SLC6A2: variants seen among roughly 807,000 people sequenced by gnomAD.
SLC6A2 encodes sodium-dependent noradrenaline transporter.
Under a neutral mutation model 71.7 loss-of-function variants are expected in SLC6A2, and 26 were observed. The observed-to-expected ratio is 0.36, with a 90% CI of 0.27 to 0.50. SLC6A2 has a LOEUF of 0.50. Among genes scored for constraint, SLC6A2 ranks in the 20% least tolerant of loss-of-function variants. The pLI, the probability that SLC6A2 is intolerant of heterozygous loss-of-function variation, is 0.96. For synonymous variants in SLC6A2, 363 were observed against 337.9 expected (o/e 1.07, Z -0.82); for missense variants, 581 against 803.9 (o/e 0.72, Z 3.35).
In SLC6A2 at chr16:55,703,395, G is replaced by C; in HGVS notation, c.*1049G>C. ...CCACCTGGAGTGGACCAGGGGTCTT[G>C]AGAAATGGAGAGTTGGCTGCAAAAA... On this transcript the variant is annotated 3_prime_UTR_variant, in exon 15 of 15. Transcript: ENST00000568943. 1.0e-6 allele frequency: 1 copy of C among 985,422 alleles called. No individual in the cohort carries two copies. The allele number at this position is 985,422 out of a possible 1,614,324, so 61.0% of individuals were successfully genotyped here.
chr16:55,661,595 C>T (rs1964611740), intron 2 of SLC6A2, among the ~76,000 whole-genome samples: 1 of 152,176 alleles, frequency 6.6e-6, no homozygotes, highest in Admixed American at 6.5e-5. Flanking sequence ...TAGCAGAATT[C>T]ATCCTAAGAT....
At chr16:55,665,541 C>T (rs1596954046) in intron 2 of SLC6A2, among the ~76,000 whole-genome samples, 2 of 152,134 alleles carry the variant, frequency 1.3e-5, no homozygotes, top group South Asian at 4.2e-4. Context: ...ATTCACAGTT[C>T]GAGGAATCCT....
chr16:55,702,739 A>ACCC lies in SLC6A2; in HGVS notation c.*395_*397dup, dbSNP rs35571499. 9 of 861,198 alleles carry ACCC rather than the reference A, an allele frequency of 1.0e-5. No individual in the cohort carries two copies. In the African/African-American group the frequency reaches 3.9e-4, roughly 37 times the overall value. 53.3% of individuals were successfully genotyped at this position (861,198 alleles called of 1,614,324 possible). A position where few individuals can be genotyped will look rare whatever the true frequency, so the allele number is the denominator to read the frequency against. ...AGAGAGGATGGGCTTTTGATCAGATACCCCTCCCAAAAAAAAAAAAAACTA... is the reference window on the plus strand; with the variant it reads ...AGAGAGGATGGGCTTTTGATCAGATACCCCCCCTCCCAAAAAAAAAAAAAACTA... On this transcript the variant is annotated 3_prime_UTR_variant, in exon 15 of 15. Coordinates refer to ENST00000568943, the MANE Select transcript of SLC6A2 (RefSeq NM_001172501.3).
intron 4 of SLC6A2, among the ~76,000 whole-genome samples, chr16:55,683,400 T>C (rs1965341690): frequency 6.6e-6 from 1 of 152,088 alleles, no homozygotes; most frequent in African/African-American, 2.4e-5. Context: ...TAGCCTGAGG[T>C]CAGGAGTTCA....
intron 5 of SLC6A2, 90 bp from the exon 6 acceptor site, chr16:55,691,828 G>T: frequency 1.4e-6 from 2 of 1,444,886 alleles, no homozygotes; most frequent in East Asian, 4.6e-5. Flanking sequence ...GAGCATGACT[G>T]GCTCCCTGGG....
At position 55,685,284 on chromosome 16, in the gene SLC6A2, A is replaced by G; in HGVS notation, c.783+3A>G. 6.2e-7 allele frequency: 1 copy of G among 1,613,824 alleles called. No individual in the cohort carries two copies. Among genetic ancestry groups the G allele is most frequent in the Non-Finnish European group, 8.5e-7 (1 of 1,179,740 alleles). The stretch of plus-strand genomic sequence containing the variant: ...AAGGGGTGAAGACATCAGGAAAGGT[A>G]ATATCTCTGTGTTTCTCTTTCACTT... On this transcript the variant is annotated splice_donor_region_variant and intron_variant, in intron 5 of 14. Coordinates refer to ENST00000568943, the MANE Select transcript of SLC6A2 (RefSeq NM_001172501.3).
intron 3 of SLC6A2, among the ~76,000 whole-genome samples, 189 bp downstream of exon 3, chr16:55,669,885 A>G (rs1006950151): frequency 6.6e-6 from 1 of 152,196 alleles, no homozygotes; most frequent in African/African-American, 2.4e-5. Flanking sequence ...GAATAGCATT[A>G]GCATAGAAAT....
At chr16:55,657,351 T>C (rs1323126797) in intron 2 of SLC6A2, among the ~76,000 whole-genome samples, 1 of 151,006 alleles carries the variant, frequency 6.6e-6, no homozygotes, top group African/African-American at 2.4e-5. Context: ...GGAAGGGAGG[T>C]GGAGATTCCA....
chr16:55,683,677 T>G (rs1334075872), intron 4 of SLC6A2, among the ~76,000 whole-genome samples: 2 of 152,168 alleles, frequency 1.3e-5, no homozygotes, highest in African/African-American at 4.8e-5. Flanking sequence ...CCAAACACTT[T>G]ATTGATAGCT....
chr16:55,672,989 T>C (rs946268222), intron 4 of SLC6A2, among the ~76,000 whole-genome samples: 7 of 152,214 alleles, frequency 4.6e-5, no homozygotes, highest in African/African-American at 1.7e-4. Context: ...AACCGGAAAA[T>C]TAACATTGAT....
Position 55,702,756 on chromosome 16 carries a change from A to AAC in SLC6A2, c.*411_*412insCA, listed in dbSNP as rs1555506523. ...GATCAGATACCCCTCCCAAAAAAAAAAAAAACTAAAACTAAAGCAAAAATC... is the reference window on the plus strand; with the variant it reads ...GATCAGATACCCCTCCCAAAAAAAAAACAAAAACTAAAACTAAAGCAAAAATC... On this transcript the variant is annotated 3_prime_UTR_variant, in exon 15 of 15. Coordinates refer to ENST00000568943, the MANE Select transcript of SLC6A2 (RefSeq NM_001172501.3). 4 of 1,052,764 alleles carry AAC rather than the reference A, an allele frequency of 3.8e-6. No homozygotes were observed. In the South Asian group the frequency reaches 1.1e-4, roughly 28 times the overall value. 65.2% of individuals were successfully genotyped at this position (1,052,764 alleles called of 1,614,324 possible).
At chr16:55,687,890 A>G (rs1965504080) in intron 5 of SLC6A2, among the ~76,000 whole-genome samples, 1 of 152,206 alleles carries the variant, frequency 6.6e-6, no homozygotes. Context: ...TCTTTCCAAA[A>G]TACACCTTCA....
intron 5 of SLC6A2, among the ~76,000 whole-genome samples, chr16:55,685,605 A>T (rs1965427135): frequency 6.6e-6 from 1 of 152,216 alleles, no homozygotes; most frequent in Admixed American, 6.5e-5. Flanking sequence ...AAGTCTAGAG[A>T]TACTATCAAC....
chr16:55,703,568 C>T lies in SLC6A2; in HGVS notation c.*1222C>T, dbSNP rs1966036832. The T allele has an allele frequency of 1.0e-6, 1 of 985,318 alleles. No homozygotes were observed. The highest frequency in any genetic ancestry group is 4.7e-5 in the South Asian group (1 of 21,292). 61.0% of individuals were successfully genotyped at this position (985,318 alleles called of 1,614,324 possible). On this transcript the variant is annotated 3_prime_UTR_variant, in exon 15 of 15. Transcript: ENST00000568943. ...TCTAGGTTTCTACTTGGATCTACTT[C>T]TGATACAAACTTGCACTTGGTGCCC...
chr16:55,685,229 T>C lies in SLC6A2; in HGVS notation c.731T>C (p.Val244Ala), dbSNP rs752820207. ...QWQLLLCLMVVVIVLYFSLWK... is the reference protein window; with the variant it reads ...QWQLLLCLMVAVIVLYFSLWK... ...CAGCTCTTGCTCTGTCTGATGGTCG[T>C]CGTCATCGTCTTGTATTTTAGCCTC... The change falls in exon 5 of 15, where the codon GTC becomes GCC. Residue 244 changes from valine (V) to alanine (A), a missense_variant. Val to Ala is a moderately conservative substitution (Grantham distance 64). Transcript: ENST00000568943. 1 of 1,614,154 alleles carries C rather than the reference T, an allele frequency of 6.2e-7. No homozygotes were observed. The highest frequency in any genetic ancestry group is 8.5e-7 in the Non-Finnish European group (1 of 1,179,970).
intron 10 of SLC6A2, 54 bp downstream of exon 10, chr16:55,698,079 A>G: frequency 1.9e-6 from 3 of 1,586,014 alleles, no homozygotes; most frequent in South Asian, 1.1e-5. Flanking sequence ...CCGCATTTCA[A>G]TAAAGTCAAA....
chr16:55,679,232 C>CTT (rs761114218), intron 4 of SLC6A2, among the ~76,000 whole-genome samples: 12,843 of 144,680 alleles, frequency 0.089, 645 homozygotes, highest in Middle Eastern at 0.14. Flanking sequence ...TTTTCTTTTT[C>CTT]TTTTTTTTTT....
chr16:55,672,099 C>T lies in SLC6A2; in HGVS notation c.568C>T (p.Leu190Phe), dbSNP rs1378367115. 1.9e-6 allele frequency: 3 copies of T among 1,614,096 alleles called. No homozygotes were observed. Among genetic ancestry groups the T allele is most frequent in the Non-Finnish European group, 2.5e-6 (3 of 1,180,054 alleles). The change falls in exon 4 of 15, where the codon CTC becomes TTC. Residue 190 changes from leucine to phenylalanine, a missense_variant. By Grantham distance (22) the Leu-to-Phe change is conservative. Transcript: ENST00000568943. ...CAGCCCCAACTGTACCGACCCCAAG[C>T]TCCTCAATGGCTCCGTGCTTGGCAA... Reference protein sequence around the residue: ...WNSPNCTDPKLLNGSVLGNHT... With the variant: ...WNSPNCTDPKFLNGSVLGNHT...
chr16:55,683,217 C>T (rs1398302047), intron 4 of SLC6A2, among the ~76,000 whole-genome samples: 2 of 152,180 alleles, frequency 1.3e-5, no homozygotes, highest in Admixed American at 6.5e-5. Context: ...CATTAGCAAA[C>T]GGTCATTTTG....
Sources: allele counts gnomAD v4.1 joint callset (sites outside exome capture counted in the v4.1 genomes callset), GRCh38; gene constraint gnomAD v4.1.1; transcripts MANE v1.5; gene names NCBI Gene and HGNC (gene_info 2026-07-23, HGNC 2026-07-21).